The following TUSC3 variants were observed in gnomAD, a reference collection of about 807,000 sequenced individuals.
TUSC3 encodes the protein dolichyl-diphosphooligosaccharide--protein glycosyltransferase subunit TUSC3.
A neutral mutation model predicts 44.8 loss-of-function variants in TUSC3; 45 were observed. The ratio of observed to expected loss-of-function variants is 1.00; its 90% CI spans 0.79 to 1.29. The LOEUF is 1.29. Ranked by LOEUF, TUSC3 falls within the 50% of genes most tolerant of loss-of-function variation. The pLI, the probability that TUSC3 is intolerant of heterozygous loss-of-function variation, is 0.00. For missense variants in TUSC3, 519 were observed against 437.9 expected (o/e 1.19, Z -1.65); for synonymous variants, 212 against 152.9 (o/e 1.39, Z -2.85).
intron 2 of TUSC3, among the ~76,000 whole-genome samples, chr8:15,628,621 G>C (rs1239103625): frequency 6.6e-6 from 1 of 152,146 alleles, no homozygotes; most frequent in East Asian, 1.9e-4. Context: ...AGAAAGGGAA[G>C]GTGAGGAGCA....
At chr8:15,849,670 A>C in the TUSC3 span, among the ~76,000 whole-genome samples, 1 of 152,280 alleles carries the variant, frequency 6.6e-6, no homozygotes, top group East Asian at 1.9e-4. Flanking sequence ...GAATGCCTAC[A>C]GGGTAAAAAT....
chr8:15,447,997 A>G (rs1394693603), intron 1 of TUSC3, among the ~76,000 whole-genome samples: 1 of 151,140 alleles, frequency 6.6e-6, no homozygotes, highest in Non-Finnish European at 1.5e-5. Flanking sequence ...CACACTAGCA[A>G]TATTTTAAGT....
At chr8:15,589,022 T>A (rs1803712513) in intron 1 of TUSC3, among the ~76,000 whole-genome samples, 1 of 152,180 alleles carries the variant, frequency 6.6e-6, no homozygotes, top group African/African-American at 2.4e-5. Context: ...TGCTTAGGAT[T>A]GTTTTGGTTA....
chr8:15,537,355 T>C (rs1400375228), upstream of TUSC3, among the ~76,000 whole-genome samples: 1 of 152,170 alleles, frequency 6.6e-6, no homozygotes, highest in Non-Finnish European at 1.5e-5. Flanking sequence ...ACGAAACCAA[T>C]GCATTTCTTA....
chr8:15,530,444 G>C (rs934742691), intron 2 of TUSC3, among the ~76,000 whole-genome samples: 5 of 152,086 alleles, frequency 3.3e-5, no homozygotes, highest in South Asian at 4.1e-4. Flanking sequence ...TAAAGACTTC[G>C]CATGTATTCA....
the TUSC3 span, among the ~76,000 whole-genome samples, chr8:15,816,845 C>A: frequency 6.6e-6 from 1 of 152,302 alleles, no homozygotes; most frequent in Non-Finnish European, 1.5e-5. Context: ...CAAGTATGTG[C>A]TGATAGCAGC....
intron 2 of TUSC3, among the ~76,000 whole-genome samples, chr8:15,496,148 A>G (rs974665528): frequency 1.3e-5 from 2 of 152,168 alleles, no homozygotes; most frequent in Non-Finnish European, 2.9e-5. Context: ...ACCATGTTCT[A>G]TACGTCCTTG....
the TUSC3 span, among the ~76,000 whole-genome samples, chr8:15,776,866 CAG>C: frequency 1.3e-5 from 2 of 151,976 alleles, no homozygotes; most frequent in Admixed American, 6.6e-5. Flanking sequence ...GTGAAAGAAA[CAG>C]GGTAACATGA....
rs114853912 is a variant in TUSC3, at chr8:15,727,541, A to G, written c.799-3125A>G. 4.7e-3 allele frequency among the ~76,000 whole-genome samples: 709 copies of G among 152,294 alleles called. 6 individuals carry two copies. Among genetic ancestry groups the G allele is most frequent in the African/African-American group, 0.016 (683 of 41,562 alleles). The stretch of plus-strand genomic sequence containing the variant: ...CAAATTCAAGCTAAGTAAATCCTGA[A>G]GGCTCGTAGGGTATCTGGTTTTGAT... On this transcript the variant is annotated intron_variant, in intron 6 of 10. Transcript: ENST00000503731.
At chr8:15,726,460 C>T (rs1334857463) in intron 6 of TUSC3, among the ~76,000 whole-genome samples, 1 of 151,976 alleles carries the variant, frequency 6.6e-6, no homozygotes, top group Non-Finnish European at 1.5e-5. Context: ...TTTTTATGAA[C>T]CTTTTTTTAT....
the TUSC3 span, among the ~76,000 whole-genome samples, chr8:15,851,003 AT>A: frequency 6.6e-6 from 1 of 152,130 alleles, no homozygotes; most frequent in Non-Finnish European, 1.5e-5. Context: ...CTAGGTCTTC[AT>A]TTTAGTGGGA....
chr8:15,724,829 T>C (rs914506697), intron 6 of TUSC3, among the ~76,000 whole-genome samples: 11 of 152,208 alleles, frequency 7.2e-5, no homozygotes, highest in Admixed American at 2.0e-4. Flanking sequence ...TGCATAAAAC[T>C]GCATGACAAA....
intron 1 of TUSC3, among the ~76,000 whole-genome samples, chr8:15,424,878 C>CAAA (rs67073442): frequency 7.4e-6 from 1 of 135,240 alleles, no homozygotes. Context: ...GACTCTGTCT[C>CAAA]AAAAAAAAAA....
intron 6 of TUSC3, 57 bp from the exon 7 acceptor site, chr8:15,730,609 T>C (rs553531925): frequency 6.4e-7 from 1 of 1,560,964 alleles, no homozygotes; most frequent in African/African-American, 1.4e-5. Flanking sequence ...GACTTAAAAC[T>C]ACAAAATAAT....
rs561331072 is a variant in TUSC3 at position 15,511,106 on chromosome 8, C to G, written n.189+27623C>G. 5.3e-5 allele frequency among the ~76,000 whole-genome samples: 8 copies of G among 152,186 alleles called. No individual in the cohort carries two copies. In the East Asian group the frequency reaches 9.6e-4, roughly 18 times the overall value. On this transcript the variant is annotated intron_variant and non_coding_transcript_variant, in intron 2 of 5. Coordinates refer to the TUSC3 transcript ENST00000503191. ...AAGGACACCCCCCAAAAAACAAAAC[C>G]CAAAACTTAAAACTAATACCAAACT... is the stretch of plus-strand genomic sequence containing the variant.
the TUSC3 span, among the ~76,000 whole-genome samples, chr8:15,819,016 G>C: frequency 6.6e-6 from 1 of 152,076 alleles, no homozygotes; most frequent in African/African-American, 2.4e-5. Flanking sequence ...TTGAGGCCAG[G>C]AGTTTGAGAC....
chr8:15,499,470 G>C (rs956652887), intron 2 of TUSC3, among the ~76,000 whole-genome samples: 4 of 152,048 alleles, frequency 2.6e-5, no homozygotes, highest in Non-Finnish European at 5.9e-5. Context: ...TAATTCTTCT[G>C]ATATCTATCA....
At chr8:15,475,027 C>T (rs907119592) in intron 1 of TUSC3, among the ~76,000 whole-genome samples, 17 of 152,142 alleles carry the variant, frequency 1.1e-4, no homozygotes, top group South Asian at 8.3e-4. Context: ...AATGTTTTGA[C>T]GATGGCCAAT....
At chr8:15,800,520 C>T in the TUSC3 span, among the ~76,000 whole-genome samples, 1 of 151,326 alleles carries the variant, frequency 6.6e-6, no homozygotes, top group South Asian at 2.1e-4. Flanking sequence ...CTGCAGTGAG[C>T]TGAGATCATG....
Sources: gnomAD v4.1 joint callset for allele counts (sites outside exome capture counted in the v4.1 genomes callset) on GRCh38, gnomAD v4.1.1 for gene constraint, MANE v1.5 for transcripts, NCBI Gene and HGNC (gene_info 2026-07-23, HGNC 2026-07-21) for gene names.